The following KIF26B variants were observed in gnomAD, a reference collection of about 807,000 sequenced individuals.
KIF26B encodes kinesin-like protein KIF26B.
KIF26B carries 63 observed loss-of-function variants against 151.2 expected under a neutral mutation model. The ratio of observed to expected loss-of-function variants is 0.42; its 90% CI spans 0.34 to 0.51. KIF26B has a LOEUF of 0.51. Among genes scored for constraint, KIF26B ranks in the 20% least tolerant of loss-of-function variants. KIF26B has a pLI of 0.07. For synonymous variants in KIF26B, 1,357 were observed against 1,262.1 expected, an observed-to-expected ratio of 1.08 and a Z score of -1.59; for missense variants, 2,813 against 2,913.6, an observed-to-expected ratio of 0.97 and a Z score of 0.79.
intron 2 of KIF26B, among the ~76,000 whole-genome samples, chr1:245,301,281 A>G (rs938030111): frequency 5.3e-5 from 8 of 152,160 alleles, no homozygotes; most frequent in African/African-American, 1.4e-4. Flanking sequence ...GGGTTATTAC[A>G]GTGATATATC....
At chr1:245,610,101 G>A (rs899439290) in intron 8 of KIF26B, among the ~76,000 whole-genome samples, 4 of 152,156 alleles carry the variant, frequency 2.6e-5, no homozygotes, top group East Asian at 1.9e-4. Context: ...GGAATGACCC[G>A]GGAGCTGCAA....
At position 245,560,020 on chromosome 1, in the gene KIF26B, C is replaced by T. The variant is rs1239290166; in HGVS notation, c.1350+19070C>T. On this transcript the variant is annotated intron_variant, in intron 5 of 14. Transcript: ENST00000407071. This position sits in a 1 kb window ranked among gnomAD's most constrained non-coding sequence, Gnocchi z 4.3. ...GTCTCTGCCAGGGATGCTCGTCTCT[C>T]ATTCGTTTTTTTGGCGTGGAAACAC... 6.6e-6 allele frequency among the ~76,000 whole-genome samples: 1 copy of T among 152,114 alleles called. No individual in the cohort carries two copies. Among genetic ancestry groups the T allele is most frequent in the African/African-American group, 2.4e-5 (1 of 41,422 alleles).
At chr1:245,183,894 A>G (rs1485179672) in intron 2 of KIF26B, among the ~76,000 whole-genome samples, 1 of 151,992 alleles carries the variant, frequency 6.6e-6, no homozygotes, top group Non-Finnish European at 1.5e-5. Context: ...GGTTGTCAGA[A>G]GGGCAGACAG....
rs770904240 is a variant in KIF26B at position 245,687,452 on chromosome 1, TCAG to T, written c.4480_4482del (p.Ser1494del). ...GGAAAGCCCAGTCCGGGAGACAGGC[TCAG>T]CAGCAGCAGCGGAGAGGTGTCGGCC... On this transcript the variant is annotated inframe_deletion, in exon 12 of 15. Coordinates refer to ENST00000407071, the MANE Select transcript of KIF26B (RefSeq NM_018012.4). This position sits in a 1 kb window ranked among gnomAD's most constrained non-coding sequence, Gnocchi z 4.9. 6 of 1,588,916 alleles carry T rather than the reference TCAG, an allele frequency of 3.8e-6. No homozygotes were observed. The highest frequency in any genetic ancestry group is 1.3e-5 in the African/African-American group (1 of 74,512).
chr1:245,208,454 G>A (rs1669450149), intron 2 of KIF26B, among the ~76,000 whole-genome samples: 2 of 152,272 alleles, frequency 1.3e-5, no homozygotes, highest in East Asian at 3.9e-4. Flanking sequence ...TTGCTGGCGA[G>A]TGGGATTGAG....
chr1:245,377,420 A>G (rs1673303979), intron 3 of KIF26B, among the ~76,000 whole-genome samples: 1 of 152,098 alleles, frequency 6.6e-6, no homozygotes, highest in Admixed American at 6.5e-5. Context: ...TCTTTTCTAT[A>G]AGGACAAAAG....
At chr1:245,418,105 C>T (rs1674465042) in intron 3 of KIF26B, among the ~76,000 whole-genome samples, 1 of 152,226 alleles carries the variant, frequency 6.6e-6, no homozygotes, top group South Asian at 2.1e-4. Context: ...TGTGCATCGC[C>T]ACATCCTCAG....
chr1:245,347,481 C>T (rs1041100633), intron 2 of KIF26B, among the ~76,000 whole-genome samples: 12 of 151,968 alleles, frequency 7.9e-5, no homozygotes, highest in African/African-American at 1.7e-4. Flanking sequence ...CTACCATACC[C>T]GGCTAATTTT....
chr1:245,313,032 A>G (rs954322683), intron 2 of KIF26B, among the ~76,000 whole-genome samples: 1 of 151,930 alleles, frequency 6.6e-6, no homozygotes, highest in African/African-American at 2.4e-5. Flanking sequence ...GGTGGTGCGC[A>G]CCTGTAGTCC....
At chr1:245,415,522 C>T (rs967758348) in intron 3 of KIF26B, among the ~76,000 whole-genome samples, 6 of 152,130 alleles carry the variant, frequency 3.9e-5, no homozygotes, top group South Asian at 2.1e-4. Context: ...CCAGTGTATG[C>T]GGGAAAAACC....
chr1:245,324,472 A>G (rs1198010690), intron 2 of KIF26B, among the ~76,000 whole-genome samples: 5 of 152,224 alleles, frequency 3.3e-5, no homozygotes, highest in Admixed American at 3.3e-4. Flanking sequence ...ATGCTCTGCC[A>G]GAGGCTCGGG....
intron 10 of KIF26B, among the ~76,000 whole-genome samples, chr1:245,675,833 G>A (rs145735692): frequency 6.5e-4 from 99 of 152,166 alleles, no homozygotes; most frequent in African/African-American, 2.3e-3. Flanking sequence ...TGAGCAACAG[G>A]GATTATTTTT....
chr1:245,289,703 T>C (rs1002429257), intron 2 of KIF26B, among the ~76,000 whole-genome samples: 3 of 146,902 alleles, frequency 2.0e-5, no homozygotes, highest in African/African-American at 7.6e-5. Flanking sequence ...GGTGATAGGA[T>C]TCCCAATTTT....
At chr1:245,683,666 A>C (rs2044468771) in intron 10 of KIF26B, among the ~76,000 whole-genome samples, 3 of 152,166 alleles carry the variant, frequency 2.0e-5, no homozygotes, top group Non-Finnish European at 4.4e-5. Context: ...AGGAATATGA[A>C]TGCCTTTTCC....
intron 2 of KIF26B, among the ~76,000 whole-genome samples, chr1:245,179,568 T>C (rs1668868520): frequency 6.6e-6 from 1 of 152,158 alleles, no homozygotes; most frequent in African/African-American, 2.4e-5. Flanking sequence ...GAGGTTGCAG[T>C]GAGCCGAGAT....
chr1:245,207,616 T>C (rs940412512), intron 2 of KIF26B, among the ~76,000 whole-genome samples: 1 of 152,134 alleles, frequency 6.6e-6, no homozygotes, highest in Non-Finnish European at 1.5e-5. Context: ...GAGAGTTGTT[T>C]ACTGGACCCG....
At chr1:245,414,500 C>G (rs528000000) in intron 3 of KIF26B, among the ~76,000 whole-genome samples, 1 of 152,258 alleles carries the variant, frequency 6.6e-6, no homozygotes, top group East Asian at 1.9e-4. Flanking sequence ...AGCCGTGGGC[C>G]CAGGGCCTCT....
intron 2 of KIF26B, among the ~76,000 whole-genome samples, chr1:245,247,802 A>G (rs1670364888): frequency 6.6e-6 from 1 of 152,180 alleles, no homozygotes; most frequent in Non-Finnish European, 1.5e-5. Flanking sequence ...GAGAAGAGGG[A>G]ACAGAGAGGA....
intron 2 of KIF26B, among the ~76,000 whole-genome samples, chr1:245,327,191 G>A (rs1016775436): frequency 5.3e-5 from 8 of 152,184 alleles, no homozygotes; most frequent in African/African-American, 1.9e-4. Context: ...GAGGAGCCCT[G>A]AATCTCGAGC....
Sources: allele counts gnomAD v4.1 joint callset (sites outside exome capture counted in the v4.1 genomes callset), GRCh38; gene constraint gnomAD v4.1.1; non-coding constraint Gnocchi (gnomAD v3.1); transcripts MANE v1.5; gene names NCBI Gene and HGNC (gene_info 2026-07-23, HGNC 2026-07-21).